OSGIN2: variants seen among roughly 807,000 people sequenced by gnomAD.
OSGIN2 encodes the protein oxidative stress induced growth inhibitor family member 2.
OSGIN2 carries 19 observed loss-of-function variants against 53.8 expected under a neutral mutation model. The ratio of observed to expected loss-of-function variants is 0.35; its 90% confidence interval spans 0.25 to 0.52. The LOEUF (loss-of-function observed/expected upper bound fraction) is 0.52. Ranked by LOEUF, OSGIN2 falls within the 20% of genes least tolerant of loss-of-function variation. OSGIN2 has a pLI of 0.95. For synonymous variants in OSGIN2, 236 were observed against 236.0 expected (o/e 1.00, Z 0.00); for missense variants, 520 against 662.7 (o/e 0.78, Z 2.36).
Position 89,925,079 on chromosome 8 carries a change from A to T in OSGIN2, c.1197A>T (p.Lys399Asn). Residue 399 changes from lysine to asparagine, a missense_variant, in exon 6 of 6, where the codon AAA (lysine) becomes AAT (asparagine). By Grantham distance (94) the Lys-to-Asn change is moderately conservative. Around this residue, in one of 3 missense-constraint regions of OSGIN2, gnomAD observed 239 missense variants for 328.3 expected, o/e 0.73. Coordinates refer to ENST00000451899, the MANE Select transcript of OSGIN2 (RefSeq NM_001126111.3). ...AAAAGCTGTATCCTGAATATCATAA[A>T]GTCTATCATATGATGTGTACTCAGT... is the stretch of plus-strand genomic sequence containing the variant. The part of the protein sequence containing the change: ...LPKKLYPEYH[K>N]VYHMMCTQSY... 6.2e-7 allele frequency: 1 copy of T among 1,613,170 alleles called. No homozygotes were observed. The highest frequency in any genetic ancestry group is 8.5e-7 in the Non-Finnish European group (1 of 1,179,058).
intron 3 of OSGIN2, 68 bp from the exon 4 acceptor site, chr8:89,914,487 A>T: frequency 6.9e-6 from 8 of 1,162,082 alleles, no homozygotes; most frequent in Non-Finnish European, 1.0e-5. Flanking sequence ...CATCATGGTA[A>T]GCATTAGAAT....
chr8:89,922,936 T>C (rs535466522), intron 5 of OSGIN2, among the ~76,000 whole-genome samples: 1 of 152,236 alleles, frequency 6.6e-6, no homozygotes, highest in Admixed American at 6.5e-5. Flanking sequence ...TGTAAGTATT[T>C]TTGTATCTAA....
intron 1 of OSGIN2, among the ~76,000 whole-genome samples, chr8:89,907,479 A>G (rs1038855555): frequency 6.6e-6 from 1 of 152,200 alleles, no homozygotes; most frequent in African/African-American, 2.4e-5. Flanking sequence ...TCTTCTGCAT[A>G]TGGCTAACTA....
chr8:89,920,235 A>G (rs2130709669), intron 4 of OSGIN2, among the ~76,000 whole-genome samples: 1 of 152,294 alleles, frequency 6.6e-6, no homozygotes, highest in Middle Eastern at 3.4e-3. Flanking sequence ...TGATTTGTAT[A>G]TAGTCACAAA....
At chr8:89,907,437 G>T (rs2130690352) in intron 1 of OSGIN2, among the ~76,000 whole-genome samples, 1 of 152,268 alleles carries the variant, frequency 6.6e-6, no homozygotes, top group South Asian at 2.1e-4. Context: ...GTTACTTTTT[G>T]TATGTGGTAT....
chr8:89,905,933 TTATA>T (rs1454133455), intron 1 of OSGIN2, among the ~76,000 whole-genome samples: 2 of 152,208 alleles, frequency 1.3e-5, no homozygotes, highest in African/African-American at 4.8e-5. Flanking sequence ...GGTATTTCAT[TTATA>T]TAATAGCATC....
chr8:89,909,037 A>AATATATATATATATATAT (rs1252373741), intron 1 of OSGIN2, among the ~76,000 whole-genome samples: 1 of 84,870 alleles, frequency 1.2e-5, no homozygotes, highest in African/African-American at 7.2e-5. Context: ...AAAAAAAAAA[A>AATATATATATATATATAT]ATATATATAT....
At chr8:89,918,971 C>T (rs894906013) in intron 4 of OSGIN2, among the ~76,000 whole-genome samples, 1 of 152,200 alleles carries the variant, frequency 6.6e-6, no homozygotes, top group African/African-American at 2.4e-5. Flanking sequence ...CTTCTCCAAT[C>T]CATTATCCAT....
intron 1 of OSGIN2, among the ~76,000 whole-genome samples, chr8:89,907,379 G>T (rs1332594175): frequency 2.0e-5 from 3 of 151,874 alleles, no homozygotes; most frequent in African/African-American, 4.8e-5. Context: ...TGTCTTCCAG[G>T]GTTTATATAG....
At chr8:89,907,280 A>AG (rs1808858843) in intron 1 of OSGIN2, among the ~76,000 whole-genome samples, 1 of 114,426 alleles carries the variant, frequency 8.7e-6, no homozygotes, top group Admixed American at 8.5e-5. Flanking sequence ...ACCATTTGTC[A>AG]ATTTTTTTTT....
At chr8:89,912,805 A>T (rs1808997755) in intron 2 of OSGIN2, among the ~76,000 whole-genome samples, 1 of 151,736 alleles carries the variant, frequency 6.6e-6, no homozygotes, top group South Asian at 2.1e-4. Flanking sequence ...CTTGGAGGTT[A>T]GGGTTTTTCA....
intron 1 of OSGIN2, among the ~76,000 whole-genome samples, chr8:89,909,042 A>ATT (rs1808910379): frequency 9.8e-6 from 1 of 102,238 alleles, no homozygotes; most frequent in Non-Finnish European, 1.7e-5. Context: ...AAAAAAATAT[A>ATT]TATATATACA....
In OSGIN2 at chr8:89,925,073, T is replaced by C. The variant is rs1461472260; in HGVS notation, c.1191T>C (p.Tyr397=). Residue 397 remains tyrosine, a synonymous_variant, in exon 6 of 6, where the codon TAT becomes TAC. Coordinates refer to ENST00000451899, the MANE Select transcript of OSGIN2 (RefSeq NM_001126111.3). ...KQLPKKLYPE[Y]HKVYHMMCTQ... ...TTCCCAAAAAGCTGTATCCTGAATA[T>C]CATAAAGTCTATCATATGATGTGTA... 1 of 1,613,628 alleles carries C rather than the reference T, an allele frequency of 6.2e-7. No individual in the cohort carries two copies. The highest frequency in any genetic ancestry group is 1.1e-5 in the South Asian group (1 of 91,088).
Position 89,905,176 on chromosome 8 carries a change from C to CT in OSGIN2, c.44+2340dup, listed in dbSNP as rs140842870. ...TCCACACTATCCTTTGAAATGTTCT[C>CT]TGAAACTTTGTGCTGTAATGTTTCA... is the stretch of plus-strand genomic sequence containing the variant. On this transcript the variant is annotated intron_variant, in intron 1 of 5. Transcript: ENST00000451899. 9.9e-3 allele frequency among the ~76,000 whole-genome samples: 1,507 copies of CT among 152,288 alleles called. 29 individuals are homozygous for CT. The highest frequency in any genetic ancestry group is 0.034 in the African/African-American group (1,409 of 41,546).
chr8:89,921,104 A>G lies in OSGIN2; in HGVS notation c.553A>G (p.Ile185Val), dbSNP rs565813627. The G allele has an allele frequency of 5.6e-5, 90 of 1,602,400 alleles. No individual in the cohort carries two copies. The highest frequency in any genetic ancestry group is 3.2e-4 in the South Asian group (29 of 89,242). ...WHNMEGSMLT[I>V]SFGSWMELPG... is the part of the protein sequence containing the mutation. Reference sequence around the variant, plus strand: ...GAATATGGAAGGCTCCATGTTGACAATCAGCTTTGGAAGTTGGATGGAACT... The same window carrying G: ...GAATATGGAAGGCTCCATGTTGACAGTCAGCTTTGGAAGTTGGATGGAACT... The change falls in exon 5 of 6, where the codon ATC becomes GTC. Residue 185 changes from isoleucine to valine, a missense_variant. Physicochemically the swap from Ile to Val is conservative, Grantham distance 29. Coordinates refer to ENST00000451899, the MANE Select transcript of OSGIN2 (RefSeq NM_001126111.3).
Position 89,925,466 on chromosome 8 carries a change from T to C in OSGIN2, c.1584T>C (p.Cys528=), listed in dbSNP as rs780553649. The C allele has an allele frequency of 6.2e-7, 1 of 1,614,164 alleles. No homozygotes were observed. Among genetic ancestry groups the C allele is most frequent in the South Asian group, 1.1e-5 (1 of 91,086 alleles). ...LKGGALGVTR[C]LATRQKKKHL... ...GAGGGGCGCTGGGTGTTACACGCTGTTTAGCTACAAGACAGAAGAAAAAGC... is the reference window on the plus strand; with the variant it reads ...GAGGGGCGCTGGGTGTTACACGCTGCTTAGCTACAAGACAGAAGAAAAAGC... The change falls in exon 6 of 6, where the codon TGT becomes TGC. Residue 528 remains cysteine (C), a synonymous_variant. Transcript: ENST00000451899.
chr8:89,921,484 C>A (rs1289633987), intron 5 of OSGIN2, among the ~76,000 whole-genome samples: 1 of 152,052 alleles, frequency 6.6e-6, no homozygotes. Flanking sequence ...ATTTTTCATA[C>A]TTTATTTTTA....
Position 89,902,720 on chromosome 8 carries a change from G to T in OSGIN2, c.-74G>T, listed in dbSNP as rs147041364. On this transcript the variant is annotated 5_prime_UTR_variant, in exon 1 of 6. Coordinates refer to ENST00000451899, the MANE Select transcript of OSGIN2 (RefSeq NM_001126111.3). The stretch of plus-strand genomic sequence containing the variant: ...GCGACCCCGAGCCAGCGGGCGCCCC[G>T]AGCGGGCAGCCTCGCCGGGGGAGGC... 1.4e-3 allele frequency: 1,173 copies of T among 842,668 alleles called. 10 individuals are homozygous for T. In the African/African-American group the frequency reaches 0.02, roughly 14 times the overall value. The allele number at this position is 842,668 out of a possible 1,614,324, so 52.2% of individuals were successfully genotyped here.
At chr8:89,924,091 G>T in intron 5 of OSGIN2, among the ~76,000 whole-genome samples, 1 of 125,010 alleles carries the variant, frequency 8.0e-6, no homozygotes, top group South Asian at 2.1e-4. Context: ...ATAGATATTA[G>T]TTAGGCCTGT....
Sources: allele counts gnomAD v4.1 joint callset (sites outside exome capture counted in the v4.1 genomes callset), GRCh38; gene constraint gnomAD v4.1.1; regional missense constraint gnomAD v4.1.1; transcripts MANE v1.5; gene names NCBI Gene and HGNC (gene_info 2026-07-23, HGNC 2026-07-21).